DNAH7: variants seen among roughly 807,000 people sequenced by gnomAD.
DNAH7 encodes the protein dynein axonemal heavy chain 7.
In DNAH7, 397 loss-of-function variants were observed where a neutral mutation model predicts 444.6. The ratio of observed to expected loss-of-function variants is 0.89; its 90% confidence interval spans 0.82 to 0.97. The LOEUF is 0.97. Among genes scored for constraint, DNAH7 ranks in the 50% least tolerant of loss-of-function variants. The probability of loss-of-function intolerance (pLI) is 0.00; values close to 1 mark genes in which losing one functional copy is unlikely to be tolerated. For synonymous variants in DNAH7, 1,636 were observed against 1,624.4 expected (o/e 1.01, Z -0.17); for missense variants, 4,902 against 4,800.8 (o/e 1.02, Z -0.62).
At position 195,864,618 on chromosome 2, in the gene DNAH7, C is replaced by T; in HGVS notation, c.7037G>A (p.Gly2346Glu). Residue 2346 changes from glycine to glutamate, a missense_variant, in exon 41 of 65, where the codon GGA (glycine) becomes GAA (glutamate). Gly to Glu is a moderately conservative substitution (Grantham distance 98). Transcript: ENST00000312428. ...AGCTAATCTGGTGACAGACTGCCTTCCACTCCCTCCAACCCCTACTAGGAG... is the reference window on the plus strand; with the variant it reads ...AGCTAATCTGGTGACAGACTGCCTTTCACTCCCTCCAACCCCTACTAGGAG... The part of the protein sequence containing the change: ...HALLVGVGGS[G>E]RQSVTRLAAH... 6.2e-7 allele frequency: 1 copy of T among 1,614,144 alleles called. No individual in the cohort carries two copies. The highest frequency in any genetic ancestry group is 8.5e-7 in the Non-Finnish European group (1 of 1,180,024).
chr2:196,009,019 G>A (rs922599144), intron 10 of DNAH7, among the ~76,000 whole-genome samples: 1 of 152,130 alleles, frequency 6.6e-6, no homozygotes, highest in African/African-American at 2.4e-5. Context: ...GCCAGAGCGA[G>A]TGCAAGAGAG....
At chr2:195,880,953 T>C (rs748201116) in intron 36 of DNAH7, among the ~76,000 whole-genome samples, 2 of 152,096 alleles carry the variant, frequency 1.3e-5, no homozygotes, top group African/African-American at 2.4e-5. Flanking sequence ...TGACCCATGG[T>C]GATATCTTAG....
At chr2:195,825,034 T>A (rs1697664631) in intron 48 of DNAH7, 1 of 152,422 alleles carries the variant, frequency 6.6e-6, no homozygotes, top group African/African-American at 2.4e-5. Context: ...TCCAGCACTT[T>A]GAGAGGACGA....
chr2:195,775,786 A>T, intron 60 of DNAH7, 60 bp downstream of exon 60: 1 of 1,555,940 alleles, frequency 6.4e-7, no homozygotes, highest in Non-Finnish European at 8.7e-7. Context: ...GTGCTGGCAC[A>T]CGTGCCTGGG....
At chr2:195,797,539 T>C (rs901637571) in intron 55 of DNAH7, among the ~76,000 whole-genome samples, 1 of 152,134 alleles carries the variant, frequency 6.6e-6, no homozygotes, top group African/African-American at 2.4e-5. Flanking sequence ...AGGAGAGATA[T>C]AAAAGCAACT....
intron 57 of DNAH7, among the ~76,000 whole-genome samples, chr2:195,794,008 G>C (rs890825947): frequency 7.2e-5 from 11 of 152,078 alleles, no homozygotes; most frequent in African/African-American, 1.2e-4. Flanking sequence ...ATAGCACAAG[G>C]CTCAGTTAAT....
rs1192990222 is a variant in DNAH7, at chr2:195,784,668, T to G, written c.10878+2342A>C. On this transcript the variant is annotated intron_variant, in intron 58 of 64. Coordinates refer to ENST00000312428, the MANE Select transcript of DNAH7 (RefSeq NM_018897.3). ...AAGGATGTTTAGTTTTATAAGAAAC[T>G]GCTAAAGTATCTTCCATAGTGGCTG... Among the ~76,000 whole-genome samples, 7 of 152,340 alleles carry G rather than the reference T, an allele frequency of 4.6e-5. No individual in the cohort carries two copies. In the South Asian group the frequency reaches 1.0e-3, roughly 23 times the overall value.
rs1458116148 is a variant in DNAH7, at chr2:195,932,892, T to C, written c.3471+1699A>G. 9.9e-5 allele frequency among the ~76,000 whole-genome samples: 15 copies of C among 152,280 alleles called. No homozygotes were observed. The East Asian group carries it at 2.3e-3, about 24-fold the overall frequency. ...GGTCTAAAATTCTCTTTTTTTGCTG[T>C]GTCTCTGCCAGGCTTTGGTAGCAGG... On this transcript the variant is annotated intron_variant, in intron 21 of 64. Coordinates refer to ENST00000312428, the MANE Select transcript of DNAH7 (RefSeq NM_018897.3).
intron 47 of DNAH7, among the ~76,000 whole-genome samples, chr2:195,836,254 C>T (rs145629620): frequency 6.6e-6 from 1 of 152,226 alleles, no homozygotes; most frequent in African/African-American, 2.4e-5. Context: ...TGGTGGCTTA[C>T]GCTTCTAATC....
At chr2:195,847,192 T>C (rs1391971916) in intron 46 of DNAH7, among the ~76,000 whole-genome samples, 4 of 148,172 alleles carry the variant, frequency 2.7e-5, no homozygotes, top group African/African-American at 1.0e-4. Flanking sequence ...ATCCTACTAG[T>C]TTTGTCCCTC....
At chr2:195,910,864 C>A (rs16841955) in intron 24 of DNAH7, among the ~76,000 whole-genome samples, 13,827 of 152,142 alleles carry the variant, frequency 0.091, 700 homozygotes, top group African/African-American at 0.13. Context: ...TCATGCGGGG[C>A]CTGATGAAAA....
chr2:195,882,596 TTA>T (rs1409150650), intron 35 of DNAH7, among the ~76,000 whole-genome samples: 1 of 152,246 alleles, frequency 6.6e-6, no homozygotes, highest in Non-Finnish European at 1.5e-5. Flanking sequence ...GAGATTATTA[TTA>T]TGAGTTAACA....
intron 46 of DNAH7, among the ~76,000 whole-genome samples, chr2:195,845,833 C>A (rs923671600): frequency 2.0e-5 from 3 of 152,110 alleles, no homozygotes; most frequent in African/African-American, 7.2e-5. Flanking sequence ...TGGACCCATT[C>A]GTTACGCCAT....
At chr2:195,910,731 T>C (rs916749349) in intron 24 of DNAH7, among the ~76,000 whole-genome samples, 2 of 152,252 alleles carry the variant, frequency 1.3e-5, no homozygotes, top group Admixed American at 1.3e-4. Context: ...TGGATCCACC[T>C]ATATAAATCT....
At chr2:195,834,160 C>T (rs774148039) in intron 48 of DNAH7, 46 bp downstream of exon 48, 1 of 1,550,280 alleles carries the variant, frequency 6.5e-7, no homozygotes, top group South Asian at 1.2e-5. Context: ...TAATTGTGCC[C>T]TCTCCAGGCA....
rs1699782949 is a variant in DNAH7, at chr2:195,857,556, G to A, written c.8235C>T (p.Asp2745=). ...FWGPAKRLLG[D]MRFLQSLHEY... Reference sequence around the variant, plus strand: ...CATGAAGTGACTGCAGAAACCTCATGTCACCAAGAAGTCTCTTAGCTGGGC... The same window carrying A: ...CATGAAGTGACTGCAGAAACCTCATATCACCAAGAAGTCTCTTAGCTGGGC... Residue 2745 remains aspartate, a synonymous_variant, in exon 44 of 65, where the codon GAC becomes GAT. Coordinates refer to ENST00000312428, the MANE Select transcript of DNAH7 (RefSeq NM_018897.3). The A allele has an allele frequency of 6.2e-7, 1 of 1,613,818 alleles. No individual in the cohort carries two copies. The highest frequency in any genetic ancestry group is 8.5e-7 in the Non-Finnish European group (1 of 1,179,924).
intron 58 of DNAH7, 58 bp downstream of exon 58, chr2:195,786,952 A>C (rs1695651406): frequency 1.7e-5 from 25 of 1,482,092 alleles, no homozygotes; most frequent in Non-Finnish European, 2.2e-5. Context: ...ACTATAACAC[A>C]CTTATAACAT....
At chr2:195,994,071 C>A (rs1693533105) in intron 12 of DNAH7, among the ~76,000 whole-genome samples, 2 of 152,162 alleles carry the variant, frequency 1.3e-5, no homozygotes, top group Admixed American at 6.5e-5. Flanking sequence ...TGCATTTAGA[C>A]AAGTTGTTTA....
Position 196,005,131 on chromosome 2 carries a change from G to A in DNAH7, c.990-3273C>T, listed in dbSNP as rs908085048. Among the ~76,000 whole-genome samples the A allele has an allele frequency of 6.6e-5, 10 of 151,432 alleles. No individual in the cohort carries two copies. The South Asian group carries it at 8.4e-4, about 13-fold the overall frequency. On this transcript the variant is annotated intron_variant, in intron 10 of 64. Transcript: ENST00000312428. ...TAAAAATACAAAAACAAAATTAGCCGGGTGTGGTGGTGGGCACCTGTAGTC... is the reference window on the plus strand; with the variant it reads ...TAAAAATACAAAAACAAAATTAGCCAGGTGTGGTGGTGGGCACCTGTAGTC...
Sources: gnomAD v4.1 joint callset for allele counts (sites outside exome capture counted in the v4.1 genomes callset) on GRCh38, gnomAD v4.1.1 for gene constraint, MANE v1.5 for transcripts, NCBI Gene and HGNC (gene_info 2026-07-23, HGNC 2026-07-21) for gene names.